Variants in PITPNC1 observed in about 807,000 individuals in gnomAD.
PITPNC1 encodes the protein phosphatidylinositol transfer protein cytoplasmic 1.
Under a neutral mutation model 44.7 loss-of-function variants are expected in PITPNC1, and 18 were observed. That is an observed-to-expected ratio of 0.40 (90% CI 0.28 to 0.60). The LOEUF (loss-of-function observed/expected upper bound fraction) is 0.60, where lower values mean the gene tolerates loss of function less well. Among genes scored for constraint, PITPNC1 ranks in the 20% least tolerant of loss-of-function variants. The pLI, the probability that PITPNC1 is intolerant of heterozygous loss-of-function variation, is 0.39. For synonymous variants in PITPNC1, 141 were observed against 149.6 expected, an observed-to-expected ratio of 0.94 and a Z score of 0.42; for missense variants, 290 against 418.4, an observed-to-expected ratio of 0.69 and a Z score of 2.68.
chr17:67,640,225 C>A (rs1188626005), intron 6 of PITPNC1, among the ~76,000 whole-genome samples: 1 of 152,058 alleles, frequency 6.6e-6, no homozygotes, highest in Non-Finnish European at 1.5e-5. Context: ...GGGGAGAAGT[C>A]CCTGCTGCCA....
At chr17:67,573,852 T>C (rs1388186455) in intron 4 of PITPNC1, among the ~76,000 whole-genome samples, 2 of 152,160 alleles carry the variant, frequency 1.3e-5, no homozygotes, top group Non-Finnish European at 2.9e-5. Context: ...TGAGCCACCA[T>C]GCCCGGCTAC....
At chr17:67,588,304 G>T (rs893867464) in intron 5 of PITPNC1, among the ~76,000 whole-genome samples, 2 of 152,094 alleles carry the variant, frequency 1.3e-5, no homozygotes, top group African/African-American at 4.8e-5. Flanking sequence ...GTGCCCAGCC[G>T]TGAAGTCTGT....
intron 2 of PITPNC1, among the ~76,000 whole-genome samples, chr17:67,545,459 C>T (rs1419704932): frequency 1.3e-5 from 2 of 152,054 alleles, no homozygotes; most frequent in Non-Finnish European, 2.9e-5. Flanking sequence ...GCCTGTAGTC[C>T]CAGCTACTCT....
At chr17:67,602,725 T>C (rs968605985) in intron 5 of PITPNC1, among the ~76,000 whole-genome samples, 3 of 152,042 alleles carry the variant, frequency 2.0e-5, no homozygotes, top group Non-Finnish European at 4.4e-5. Flanking sequence ...AAGTGACCAC[T>C]AACCTTGGGA....
intron 1 of PITPNC1, among the ~76,000 whole-genome samples, chr17:67,429,693 GT>G (rs1157181947): frequency 8.4e-6 from 1 of 119,384 alleles, no homozygotes; most frequent in Admixed American, 8.4e-5. Flanking sequence ...GCAAAACTCT[GT>G]TTCAAAAAAA....
intron 1 of PITPNC1, among the ~76,000 whole-genome samples, chr17:67,424,681 A>G (rs1340938805): frequency 6.6e-6 from 1 of 152,014 alleles, no homozygotes; most frequent in Admixed American, 6.6e-5. Flanking sequence ...ACAAGCAAAT[A>G]TACAAAACTG....
chr17:67,405,045 G>A (rs1287741738), intron 1 of PITPNC1, among the ~76,000 whole-genome samples: 2 of 152,066 alleles, frequency 1.3e-5, no homozygotes, highest in Non-Finnish European at 2.9e-5. Flanking sequence ...TCAGGAGTTC[G>A]AGGCTAGCCT....
chr17:67,381,797 A>G (rs1373253709), intron 1 of PITPNC1, among the ~76,000 whole-genome samples: 2 of 152,202 alleles, frequency 1.3e-5, no homozygotes, highest in Admixed American at 1.3e-4. Context: ...AGCAGTGTCC[A>G]TACTTTTGAA....
chr17:67,414,446 C>T (rs1405196084), intron 1 of PITPNC1, among the ~76,000 whole-genome samples: 1 of 151,898 alleles, frequency 6.6e-6, no homozygotes, highest in African/African-American at 2.4e-5. Flanking sequence ...CCCACCCCCC[C>T]ATATATACTG....
chr17:67,462,498 C>G (rs955163961), intron 1 of PITPNC1, among the ~76,000 whole-genome samples: 19 of 149,868 alleles, frequency 1.3e-4, no homozygotes, highest in Admixed American at 6.8e-4. Context: ...TCCCAAAGTG[C>G]TAGGAATACA....
At chr17:67,530,761 G>A (rs1446872515) in intron 1 of PITPNC1, among the ~76,000 whole-genome samples, 1 of 152,132 alleles carries the variant, frequency 6.6e-6, no homozygotes, top group East Asian at 1.9e-4. Context: ...CCACCCCCTG[G>A]GTAGTGTGTG....
chr17:67,461,134 T>C (rs1746718187), intron 1 of PITPNC1, among the ~76,000 whole-genome samples: 1 of 152,174 alleles, frequency 6.6e-6, no homozygotes, highest in South Asian at 2.1e-4. Flanking sequence ...ACCTAGGCCA[T>C]GGTCTGAAGG....
intron 5 of PITPNC1, among the ~76,000 whole-genome samples, chr17:67,609,772 G>T: frequency 6.7e-6 from 1 of 148,482 alleles, no homozygotes; most frequent in African/African-American, 2.5e-5. Flanking sequence ...ATTGGATCTG[G>T]TTAGATCCAA....
intron 1 of PITPNC1, among the ~76,000 whole-genome samples, chr17:67,472,547 TGA>T (rs1465949361): frequency 1.3e-5 from 2 of 149,854 alleles, no homozygotes; most frequent in African/African-American, 2.5e-5. Context: ...CTCAGGAGGC[TGA>T]GGCAGGAGAA....
intron 2 of PITPNC1, among the ~76,000 whole-genome samples, chr17:67,535,831 G>C (rs1322971108): frequency 6.6e-6 from 1 of 152,224 alleles, no homozygotes; most frequent in East Asian, 1.9e-4. Flanking sequence ...GCATCGGGGG[G>C]ACATCAGAAC....
chr17:67,391,095 T>C (rs918752169), intron 1 of PITPNC1, among the ~76,000 whole-genome samples: 14 of 120,344 alleles, frequency 1.2e-4, no homozygotes, highest in African/African-American at 5.3e-4. Context: ...GTTTAATCTT[T>C]TTAAGTTTGG....
At chr17:67,670,278 A>G (rs1300433311) in intron 7 of PITPNC1, among the ~76,000 whole-genome samples, 1 of 152,170 alleles carries the variant, frequency 6.6e-6, no homozygotes, top group African/African-American at 2.4e-5. Flanking sequence ...TCCCAGACAG[A>G]GAAACTTGGG....
chr17:67,476,051 A>G (rs978753595), intron 1 of PITPNC1, among the ~76,000 whole-genome samples: 1 of 152,244 alleles, frequency 6.6e-6, no homozygotes, highest in Non-Finnish European at 1.5e-5. Flanking sequence ...ATATGATGCA[A>G]AACAACTATT....
At chr17:67,469,764 AAGAC>A (rs1418370488) in intron 1 of PITPNC1, among the ~76,000 whole-genome samples, 1 of 152,174 alleles carries the variant, frequency 6.6e-6, no homozygotes, top group African/African-American at 2.4e-5. Context: ...ATCAGGAAAT[AAGAC>A]AGAACAAAAG....
Sources: allele counts gnomAD v4.1 joint callset (sites outside exome capture counted in the v4.1 genomes callset), GRCh38; gene constraint gnomAD v4.1.1; transcripts MANE v1.5; gene names NCBI Gene and HGNC (gene_info 2026-07-23, HGNC 2026-07-21).